The following MFN1 variants were observed in gnomAD, a reference collection of about 807,000 sequenced individuals.
MFN1 encodes mitofusin-1.
In MFN1, 65 loss-of-function variants were observed where a neutral mutation model predicts 92.4. The observed-to-expected ratio is 0.70, with a 90% CI of 0.58 to 0.86. The LOEUF (loss-of-function observed/expected upper bound fraction) is 0.86. Ranked by LOEUF, MFN1 falls within the 40% of genes least tolerant of loss-of-function variation. The probability of loss-of-function intolerance (pLI) is 0.00; values close to 1 mark genes in which losing one functional copy is unlikely to be tolerated. For missense variants in MFN1, 781 were observed against 868.0 expected (o/e 0.90, Z 1.26); for synonymous variants, 297 against 300.9 (o/e 0.99, Z 0.13).
rs548300658 is a variant in MFN1, at chr3:179,371,139, C to G, written c.975+3036C>G. Among the ~76,000 whole-genome samples, 22 of 152,214 alleles carry G rather than the reference C, an allele frequency of 1.4e-4. No homozygotes were observed. In the South Asian group the frequency reaches 4.6e-3, roughly 32 times the overall value. ...TTAGATTCATTTGATTCAAATGGAT[C>G]TAAGTATTTTAAACATTTAGAATAC... On this transcript the variant is annotated intron_variant, in intron 9 of 17. Transcript: ENST00000471841.
Position 179,394,399 on chromosome 3 carries a change from G to GA in MFN1, c.*2343dup, listed in dbSNP as rs1170791424. 1 of 143,802 alleles carries GA rather than the reference G, an allele frequency of 7.0e-6. No individual in the cohort carries two copies. The highest frequency in any genetic ancestry group is 1.5e-5 in the Non-Finnish European group (1 of 66,178). 8.9% of individuals were successfully genotyped at this position (143,802 alleles called of 1,614,324 possible). ...GTTGGAAATGGAACAGTAAAATAAC[G>GA]AAAGCCAACTTTTTTTTTTTTTTTT... On this transcript the variant is annotated 3_prime_UTR_variant, in exon 18 of 18. Coordinates refer to ENST00000471841, the MANE Select transcript of MFN1 (RefSeq NM_033540.3).
chr3:179,380,968 G>A (rs1354144413), intron 14 of MFN1, among the ~76,000 whole-genome samples: 12 of 152,204 alleles, frequency 7.9e-5, no homozygotes, highest in Admixed American at 7.2e-4. Flanking sequence ...TATCTTCAGA[G>A]TCCATCCGTA....
intron 7 of MFN1, among the ~76,000 whole-genome samples, chr3:179,365,809 C>T (rs191023397): frequency 6.6e-6 from 1 of 152,192 alleles, no homozygotes; most frequent in Admixed American, 6.5e-5. Flanking sequence ...TTTTATTTAA[C>T]GTGTTTGTCA....
intron 3 of MFN1, among the ~76,000 whole-genome samples, chr3:179,353,564 T>C (rs1712237757): frequency 6.6e-6 from 1 of 152,174 alleles, no homozygotes; most frequent in African/African-American, 2.4e-5. Flanking sequence ...ATCTGGATTA[T>C]GGCGGGGAGA....
At chr3:179,360,345 G>A (rs558308939) in intron 4 of MFN1, among the ~76,000 whole-genome samples, 6 of 152,084 alleles carry the variant, frequency 3.9e-5, no homozygotes, top group South Asian at 2.1e-4. Context: ...CCTGGCCTCC[G>A]ATTTGTCTTT....
In MFN1 at chr3:179,368,659, T is replaced by C. The variant is rs945568333; in HGVS notation, c.975+556T>C. On this transcript the variant is annotated intron_variant, in intron 9 of 17. Coordinates refer to ENST00000471841, the MANE Select transcript of MFN1 (RefSeq NM_033540.3). ...GCGTTTTCAGAAACTTCTAGGAAACTATTGAAGTGCCTGAGTGGTAGATGG... is the reference window on the plus strand; with the variant it reads ...GCGTTTTCAGAAACTTCTAGGAAACCATTGAAGTGCCTGAGTGGTAGATGG... 2.0e-5 allele frequency among the ~76,000 whole-genome samples: 3 copies of C among 152,232 alleles called. No individual in the cohort carries two copies. The South Asian group carries it at 6.2e-4, about 32-fold the overall frequency.
chr3:179,386,584 T>G lies in MFN1; in HGVS notation c.1967T>G (p.Met656Arg). ...AACTATGCAACTGAAAAACTGAGGA[T>G]GATTGTTAGCTCCACGAGTGCAAAC... ...FVNYATEKLR[M>R]IVSSTSANCS... The change falls in exon 16 of 18, where the codon ATG (methionine) becomes AGG (arginine). Residue 656 changes from methionine to arginine, a missense_variant. Physicochemically the swap from Met to Arg is moderately conservative, Grantham distance 91 (BLOSUM62 -1). Coordinates refer to ENST00000471841, the MANE Select transcript of MFN1 (RefSeq NM_033540.3). 6.2e-7 allele frequency: 1 copy of G among 1,614,090 alleles called. No homozygotes were observed. The highest frequency in any genetic ancestry group is 8.5e-7 in the Non-Finnish European group (1 of 1,179,988).
rs11720405 is a variant in MFN1, at chr3:179,393,356, G to A, written c.*1297G>A. 0.19 allele frequency: 28,320 copies of A among 152,090 alleles called. 3,135 individuals carry two copies. The highest frequency in any genetic ancestry group is 0.36 in the East Asian group (1,850 of 5,170). 9.4% of individuals were successfully genotyped at this position (152,090 alleles called of 1,614,324 possible). A position where few individuals can be genotyped will look rare whatever the true frequency, so the allele number is the denominator to read the frequency against. ...TTAGAAATGCACAATCCCGGGGAAC[G>A]CAGTACATTTGGCCACATGTAGTTT... On this transcript the variant is annotated 3_prime_UTR_variant, in exon 18 of 18. Transcript: ENST00000471841.
chr3:179,372,154 G>A (rs1217603491), intron 9 of MFN1, among the ~76,000 whole-genome samples: 1 of 147,696 alleles, frequency 6.8e-6, no homozygotes, highest in Non-Finnish European at 1.5e-5. Flanking sequence ...AGAGAGTATC[G>A]AGCGCGAGTA....
At chr3:179,362,262 A>T in intron 4 of MFN1, 96 bp from the exon 5 acceptor site, 2 of 1,207,664 alleles carry the variant, frequency 1.7e-6, no homozygotes, top group Admixed American at 3.0e-5. Flanking sequence ...CCTTTTATAT[A>T]CCTGTTTTGC....
chr3:179,379,338 T>A (rs1356437614), intron 14 of MFN1, among the ~76,000 whole-genome samples: 3 of 152,162 alleles, frequency 2.0e-5, no homozygotes, highest in East Asian at 3.9e-4. Context: ...AGATACTGTT[T>A]AAAAAAAATT....
intron 14 of MFN1, among the ~76,000 whole-genome samples, chr3:179,383,951 C>G (rs1195587070): frequency 6.6e-6 from 1 of 151,998 alleles, no homozygotes; most frequent in South Asian, 2.1e-4. Context: ...TTTTTGTCAC[C>G]TCAAAGCTGT....
intron 14 of MFN1, among the ~76,000 whole-genome samples, chr3:179,382,589 T>A (rs1319035526): frequency 6.6e-6 from 1 of 152,218 alleles, no homozygotes; most frequent in Non-Finnish European, 1.5e-5. Flanking sequence ...ATATACCCAG[T>A]AATGGGATGG....
intron 14 of MFN1, among the ~76,000 whole-genome samples, chr3:179,382,124 A>T (rs1713492119): frequency 6.6e-6 from 1 of 152,016 alleles, no homozygotes; most frequent in African/African-American, 2.4e-5. Flanking sequence ...CACAACGTGC[A>T]GGTTTGTTAC....
At chr3:179,355,617 A>G (rs1413854961) in intron 3 of MFN1, among the ~76,000 whole-genome samples, 1 of 152,158 alleles carries the variant, frequency 6.6e-6, no homozygotes, top group African/African-American at 2.4e-5. Flanking sequence ...AATGAAAAAC[A>G]ATGACAGCAC....
At chr3:179,389,905 G>C (rs980710697) in intron 16 of MFN1, 99 bp from the exon 17 acceptor site, 1 of 1,172,526 alleles carries the variant, frequency 8.5e-7, no homozygotes, top group East Asian at 2.4e-5. Flanking sequence ...TAGTTTAGAA[G>C]TTTTTTAAAA....
intron 15 of MFN1, 57 bp from the exon 16 acceptor site, chr3:179,386,376 G>A: frequency 1.4e-6 from 2 of 1,389,736 alleles, no homozygotes; most frequent in East Asian, 2.3e-5. Flanking sequence ...GCTTTTAAAT[G>A]TACTCTCCAA....
rs771028366 is a variant in MFN1 at position 179,368,141 on chromosome 3, C to CT, written c.975+41dup. 5.6e-6 allele frequency: 8 copies of CT among 1,434,714 alleles called. No individual in the cohort carries two copies. In the Middle Eastern group the frequency reaches 1.3e-3, roughly 232 times the overall value. The allele number at this position is 1,434,714 out of a possible 1,614,324, so 88.9% of individuals were successfully genotyped here. ...TGATTGTATTGCCTAATACAAAACT[C>CT]TTTCTTTGGTTGGAGAAAGCATAAT... On this transcript the variant is annotated intron_variant, in intron 9 of 17. Coordinates refer to ENST00000471841, the MANE Select transcript of MFN1 (RefSeq NM_033540.3).
At chr3:179,354,253 T>C (rs946176429) in intron 3 of MFN1, among the ~76,000 whole-genome samples, 2 of 152,120 alleles carry the variant, frequency 1.3e-5, no homozygotes, top group African/African-American at 4.8e-5. Flanking sequence ...AAGCCATAAA[T>C]AGAAAGGGGT....
Sources: gnomAD v4.1 joint callset for allele counts (sites outside exome capture counted in the v4.1 genomes callset) on GRCh38, gnomAD v4.1.1 for gene constraint, MANE v1.5 for transcripts, NCBI Gene and HGNC (gene_info 2026-07-23, HGNC 2026-07-21) for gene names.